Variants in NKAIN2 observed in about 807,000 individuals in gnomAD.
NKAIN2 encodes the protein sodium/potassium transporting ATPase interacting 2.
Under a neutral mutation model 32.6 loss-of-function variants are expected in NKAIN2, and 14 were observed. The ratio of observed to expected loss-of-function variants is 0.43; its 90% CI spans 0.28 to 0.67. The LOEUF (loss-of-function observed/expected upper bound fraction) is 0.67. Among genes scored for constraint, NKAIN2 ranks in the 30% least tolerant of loss-of-function variants. NKAIN2 has a pLI of 0.17. For missense variants in NKAIN2, 198 were observed against 258.3 expected (o/e 0.77, Z 1.60); for synonymous variants, 80 against 87.2 (o/e 0.92, Z 0.46).
chr6:124,694,036 G>GT (rs1225442760), intron 4 of NKAIN2, among the ~76,000 whole-genome samples: 1 of 152,116 alleles, frequency 6.6e-6, no homozygotes, highest in Non-Finnish European at 1.5e-5. Context: ...AGTAACCCAA[G>GT]TCAATTACCC....
intron 4 of NKAIN2, among the ~76,000 whole-genome samples, chr6:124,707,131 A>G (rs568414446): frequency 6.6e-6 from 1 of 151,862 alleles, no homozygotes; most frequent in Middle Eastern, 3.4e-3. Flanking sequence ...GAGAATGATG[A>G]TTTCTAATTT....
At chr6:124,117,105 G>T (rs1582675717) in intron 1 of NKAIN2, among the ~76,000 whole-genome samples, 1 of 151,754 alleles carries the variant, frequency 6.6e-6, no homozygotes. Context: ...GGCATGAGAG[G>T]TAAAGGTGGG....
intron 1 of NKAIN2, among the ~76,000 whole-genome samples, chr6:124,125,126 G>A (rs753050329): frequency 6.6e-6 from 1 of 152,068 alleles, no homozygotes. Context: ...GGCTATACAG[G>A]ATATAGATAA....
intron 1 of NKAIN2, among the ~76,000 whole-genome samples, chr6:124,160,692 A>T (rs927366918): frequency 4.6e-5 from 7 of 152,176 alleles, no homozygotes; most frequent in African/African-American, 1.7e-4. Flanking sequence ...ATGATCCTAA[A>T]CTACCAAACC....
intron 1 of NKAIN2, among the ~76,000 whole-genome samples, chr6:123,999,664 T>G (rs1364448337): frequency 6.6e-6 from 1 of 152,168 alleles, no homozygotes; most frequent in Non-Finnish European, 1.5e-5. Flanking sequence ...ATAGTACTGC[T>G]TTTATTTTAT....
chr6:124,654,660 T>C (rs1379183642), intron 3 of NKAIN2, among the ~76,000 whole-genome samples: 1 of 152,124 alleles, frequency 6.6e-6, no homozygotes, highest in Non-Finnish European at 1.5e-5. Flanking sequence ...CTTAATGAGG[T>C]CATTAGAGTG....
At chr6:124,504,092 T>C (rs1042866489) in intron 3 of NKAIN2, among the ~76,000 whole-genome samples, 2 of 152,096 alleles carry the variant, frequency 1.3e-5, no homozygotes, top group Admixed American at 6.5e-5. Flanking sequence ...TCCACTTAGG[T>C]GTATATATGT....
At chr6:124,393,136 C>T (rs1773215625) in intron 3 of NKAIN2, among the ~76,000 whole-genome samples, 1 of 152,014 alleles carries the variant, frequency 6.6e-6, no homozygotes, top group South Asian at 2.1e-4. Flanking sequence ...TCAGTAGAAA[C>T]TCTTTGGGGC....
chr6:124,143,426 C>T (rs1248936549), intron 1 of NKAIN2, among the ~76,000 whole-genome samples: 1 of 152,192 alleles, frequency 6.6e-6, no homozygotes, highest in African/African-American at 2.4e-5. Context: ...TGCTACTGTA[C>T]TCCACCCTGG....
chr6:123,990,633 C>A (rs904453863), intron 1 of NKAIN2, among the ~76,000 whole-genome samples: 3 of 152,076 alleles, frequency 2.0e-5, no homozygotes, highest in Admixed American at 2.0e-4. Context: ...TTCTATGGCT[C>A]TCATTAATCA....
intron 3 of NKAIN2, among the ~76,000 whole-genome samples, chr6:124,405,551 T>G: frequency 6.6e-6 from 1 of 151,606 alleles, no homozygotes; most frequent in Non-Finnish European, 1.5e-5. Context: ...TTTTTTTTTT[T>G]TCCTTTTTGT....
intron 1 of NKAIN2, among the ~76,000 whole-genome samples, chr6:123,845,922 T>A (rs1775069229): frequency 6.6e-6 from 1 of 152,208 alleles, no homozygotes. Context: ...ACTTCCCTTT[T>A]TTTCTTCCAG....
chr6:124,123,763 G>A (rs1194875134), intron 1 of NKAIN2, among the ~76,000 whole-genome samples: 1 of 152,030 alleles, frequency 6.6e-6, no homozygotes, highest in African/African-American at 2.4e-5. Context: ...GCAGGAACTG[G>A]GCTCTTTAGC....
intron 4 of NKAIN2, among the ~76,000 whole-genome samples, chr6:124,693,211 T>C (rs182555831): frequency 6.6e-5 from 10 of 152,302 alleles, no homozygotes; most frequent in East Asian, 3.9e-4. Context: ...ATTATAATAC[T>C]GTTTTTTTCT....
chr6:123,907,057 A>G (rs1302575490), intron 1 of NKAIN2, among the ~76,000 whole-genome samples: 1 of 152,204 alleles, frequency 6.6e-6, no homozygotes, highest in East Asian at 1.9e-4. Context: ...TCCTGTGAAC[A>G]GTGGCAATTT....
At chr6:124,217,185 TC>T (rs1455411373) in intron 1 of NKAIN2, among the ~76,000 whole-genome samples, 3 of 152,030 alleles carry the variant, frequency 2.0e-5, no homozygotes, top group Admixed American at 6.6e-5. Context: ...GAAAAACAAC[TC>T]AGTACTTGAA....
intron 1 of NKAIN2, among the ~76,000 whole-genome samples, chr6:124,181,704 C>A (rs1379155517): frequency 6.6e-6 from 1 of 152,100 alleles, no homozygotes; most frequent in Non-Finnish European, 1.5e-5. Flanking sequence ...TTTTGCTAAA[C>A]CATAGAAAGT....
intron 3 of NKAIN2, among the ~76,000 whole-genome samples, chr6:124,555,192 T>A (rs1780428042): frequency 6.6e-6 from 1 of 152,204 alleles, no homozygotes; most frequent in African/African-American, 2.4e-5. Context: ...GCACAGTCTG[T>A]TGGTGCAAGG....
chr6:124,497,811 C>A (rs971883661), intron 3 of NKAIN2, among the ~76,000 whole-genome samples: 1 of 98,876 alleles, frequency 1.0e-5, no homozygotes, highest in African/African-American at 4.1e-5. Flanking sequence ...AGATTTGTTT[C>A]TAGAGTAAGG....
Sources: gnomAD v4.1 joint callset for allele counts (sites outside exome capture counted in the v4.1 genomes callset) on GRCh38, gnomAD v4.1.1 for gene constraint, MANE v1.5 for transcripts, NCBI Gene and HGNC (gene_info 2026-07-23, HGNC 2026-07-21) for gene names.